The following DOK6 variants were observed in gnomAD, a reference collection of about 807,000 sequenced individuals.
DOK6 encodes the protein docking protein 6.
In DOK6, 22 loss-of-function variants were observed where a neutral mutation model predicts 44.0. That is an observed-to-expected ratio of 0.50 (90% CI 0.36 to 0.71). The LOEUF (loss-of-function observed/expected upper bound fraction) is 0.71, where lower values mean the gene tolerates loss of function less well. Among genes scored for constraint, DOK6 ranks in the 30% least tolerant of loss-of-function variants. DOK6 has a pLI of 0.00. For synonymous variants in DOK6, 166 were observed against 145.5 expected, an observed-to-expected ratio of 1.14 and a Z score of -1.01; for missense variants, 340 against 416.4, an observed-to-expected ratio of 0.82 and a Z score of 1.60.
At chr18:69,774,194 T>G (rs1412507566) in intron 7 of DOK6, among the ~76,000 whole-genome samples, 2 of 131,988 alleles carry the variant, frequency 1.5e-5, no homozygotes. Context: ...AATGAATTAG[T>G]GGCATTTGCA....
intron 1 of DOK6, among the ~76,000 whole-genome samples, chr18:69,410,964 C>T (rs1978303387): frequency 6.6e-6 from 1 of 152,080 alleles, no homozygotes; most frequent in Non-Finnish European, 1.5e-5. Context: ...CTCCTGATAT[C>T]TATGAGGTTT....
intron 1 of DOK6, among the ~76,000 whole-genome samples, chr18:69,477,786 A>T (rs2144527719): frequency 6.6e-6 from 1 of 152,310 alleles, no homozygotes; most frequent in South Asian, 2.1e-4. Flanking sequence ...ACAGCCAAGA[A>T]GATAACCTTA....
intron 5 of DOK6, among the ~76,000 whole-genome samples, chr18:69,712,231 A>T (rs1395794322): frequency 4.8e-5 from 6 of 125,272 alleles, no homozygotes; most frequent in Non-Finnish European, 8.1e-5. Flanking sequence ...CAGTGAGCCG[A>T]GATCCCGCCA....
chr18:69,633,428 G>T (rs934041415), intron 3 of DOK6, among the ~76,000 whole-genome samples: 1 of 152,266 alleles, frequency 6.6e-6, no homozygotes, highest in African/African-American at 2.4e-5. Flanking sequence ...TTCTGAAAAT[G>T]TAGCTGGTTT....
intron 2 of DOK6, among the ~76,000 whole-genome samples, chr18:69,566,607 G>A (rs954499921): frequency 1.3e-5 from 2 of 152,176 alleles, no homozygotes; most frequent in African/African-American, 4.8e-5. Context: ...TCTGCTCTAC[G>A]CTAGGCATTC....
intron 2 of DOK6, among the ~76,000 whole-genome samples, chr18:69,597,749 C>T (rs189925517): frequency 3.0e-4 from 43 of 142,264 alleles, no homozygotes; most frequent in African/African-American, 1.0e-3. Flanking sequence ...GAGACTCAAA[C>T]GCCTGCTCAA....
At chr18:69,661,056 C>G (rs1985512967) in intron 3 of DOK6, 1 of 152,172 alleles carries the variant, frequency 6.6e-6, no homozygotes, top group Admixed American at 6.5e-5. Flanking sequence ...AGGGACATGT[C>G]AAAACTCAGC....
chr18:69,659,215 G>A (rs1440892833), intron 3 of DOK6, among the ~76,000 whole-genome samples: 1 of 152,162 alleles, frequency 6.6e-6, no homozygotes, highest in Non-Finnish European at 1.5e-5. Flanking sequence ...TGCTGTCCTA[G>A]CTCTCTGGCC....
At chr18:69,463,999 C>A (rs774518883) in intron 1 of DOK6, among the ~76,000 whole-genome samples, 2 of 152,132 alleles carry the variant, frequency 1.3e-5, no homozygotes, top group Admixed American at 6.6e-5. Flanking sequence ...ACTTAAATTG[C>A]TCCCTCCTGT....
At chr18:69,535,516 T>TA (rs973616215) in intron 1 of DOK6, among the ~76,000 whole-genome samples, 6 of 151,756 alleles carry the variant, frequency 4.0e-5, no homozygotes, top group Non-Finnish European at 7.4e-5. Flanking sequence ...CCTAGATTTT[T>TA]AAAAAAAATT....
At chr18:69,731,826 T>G (rs7240520) in intron 5 of DOK6, among the ~76,000 whole-genome samples, 16,883 of 152,218 alleles carry the variant, frequency 0.11, 960 homozygotes, top group Middle Eastern at 0.16. Flanking sequence ...AAAGTATACT[T>G]CATAAATGAC....
chr18:69,693,033 TAC>T (rs1986302138), intron 4 of DOK6, among the ~76,000 whole-genome samples: 1 of 152,170 alleles, frequency 6.6e-6, no homozygotes, highest in South Asian at 2.1e-4. Context: ...TTTCCTTTTG[TAC>T]AGTTTCTTCT....
At chr18:69,612,102 C>CT (rs1274351716) in intron 3 of DOK6, among the ~76,000 whole-genome samples, 1 of 151,972 alleles carries the variant, frequency 6.6e-6, no homozygotes, top group African/African-American at 2.4e-5. Flanking sequence ...CAGGATGTCT[C>CT]TATCATTTCT....
At chr18:69,447,932 C>T (rs951136198) in intron 1 of DOK6, among the ~76,000 whole-genome samples, 1 of 152,180 alleles carries the variant, frequency 6.6e-6, no homozygotes, top group African/African-American at 2.4e-5. Flanking sequence ...GTTATCCCAG[C>T]CCTGAGAATG....
intron 1 of DOK6, among the ~76,000 whole-genome samples, chr18:69,419,148 A>G (rs1219809343): frequency 6.6e-6 from 1 of 152,180 alleles, no homozygotes; most frequent in Non-Finnish European, 1.5e-5. Context: ...TGAGCTCTAG[A>G]GCCATCTTGA....
intron 3 of DOK6, among the ~76,000 whole-genome samples, chr18:69,617,523 GAAAGGAAAGAA>G: frequency 7.7e-6 from 1 of 130,176 alleles, no homozygotes; most frequent in African/African-American, 2.9e-5. Flanking sequence ...AGAAAAGAAA[GAAAGGAAAGAA>G]AGAAAAGAAA....
At chr18:69,663,725 G>A (rs925263348) in intron 3 of DOK6, among the ~76,000 whole-genome samples, 1 of 152,068 alleles carries the variant, frequency 6.6e-6, no homozygotes, top group African/African-American at 2.4e-5. Flanking sequence ...ACAATATTTT[G>A]GAACCAACTG....
intron 2 of DOK6, among the ~76,000 whole-genome samples, chr18:69,590,808 A>G (rs1239567735): frequency 2.0e-5 from 3 of 152,110 alleles, no homozygotes; most frequent in African/African-American, 7.2e-5. Context: ...ATGAGTCACT[A>G]ATGTGAAGAG....
At chr18:69,603,208 G>A (rs1403165658) in intron 3 of DOK6, among the ~76,000 whole-genome samples, 1 of 152,128 alleles carries the variant, frequency 6.6e-6, no homozygotes. Flanking sequence ...GCCCTGCTTG[G>A]TTTTCTCTGA....
Sources: allele counts gnomAD v4.1 joint callset (sites outside exome capture counted in the v4.1 genomes callset), GRCh38; gene constraint gnomAD v4.1.1; transcripts MANE v1.5; gene names NCBI Gene and HGNC (gene_info 2026-07-23, HGNC 2026-07-21).